Variants in CPNE4 observed in about 807,000 individuals in gnomAD.
CPNE4 encodes the protein copine 4.
Under a neutral mutation model 67.9 loss-of-function variants are expected in CPNE4, and 25 were observed. The ratio of observed to expected loss-of-function variants is 0.37; its 90% CI spans 0.27 to 0.51. The LOEUF is 0.51. Among genes scored for constraint, CPNE4 ranks in the 20% least tolerant of loss-of-function variants. The pLI, the probability that CPNE4 is intolerant of heterozygous loss-of-function variation, is 0.93. For synonymous variants in CPNE4, 242 were observed against 244.9 expected, an observed-to-expected ratio of 0.99 and a Z score of 0.11; for missense variants, 464 against 690.8, an observed-to-expected ratio of 0.67 and a Z score of 3.68.
intron 1 of CPNE4, among the ~76,000 whole-genome samples, chr3:132,007,640 T>C (rs1361461593): frequency 6.6e-6 from 1 of 152,078 alleles, no homozygotes; most frequent in Non-Finnish European, 1.5e-5. Flanking sequence ...TTTTTTTCAT[T>C]CAACAGTTCA....
At chr3:131,709,270 C>T (rs76452296) in intron 3 of CPNE4, among the ~76,000 whole-genome samples, 19 of 151,910 alleles carry the variant, frequency 1.3e-4, no homozygotes, top group Non-Finnish European at 1.6e-4. Context: ...AATGGAGGGA[C>T]GGAAAATTCT....
intron 2 of CPNE4, among the ~76,000 whole-genome samples, chr3:131,742,844 C>T (rs1015294838): frequency 6.6e-6 from 1 of 152,002 alleles, no homozygotes; most frequent in African/African-American, 2.4e-5. Flanking sequence ...CCCACCAAAA[C>T]CTATGGGAAT....
intron 1 of CPNE4, among the ~76,000 whole-genome samples, chr3:131,987,676 G>A (rs1383147948): frequency 6.6e-6 from 1 of 151,986 alleles, no homozygotes; most frequent in African/African-American, 2.4e-5. Flanking sequence ...TAAATACCAG[G>A]CACCATGCCC....
chr3:131,570,137 T>C (rs1265073348), intron 10 of CPNE4, among the ~76,000 whole-genome samples: 1 of 151,696 alleles, frequency 6.6e-6, no homozygotes, highest in Non-Finnish European at 1.5e-5. Flanking sequence ...ATAATAAATA[T>C]CATAGTATTT....
intron 3 of CPNE4, among the ~76,000 whole-genome samples, chr3:131,701,456 C>A (rs2081299298): frequency 6.6e-6 from 1 of 152,218 alleles, no homozygotes; most frequent in African/African-American, 2.4e-5. Context: ...TGGGATATCA[C>A]TTCTGAGAAT....
intron 7 of CPNE4, among the ~76,000 whole-genome samples, chr3:131,591,182 G>A (rs1186404773): frequency 5.3e-5 from 8 of 152,186 alleles, no homozygotes; most frequent in Non-Finnish European, 1.0e-4. Flanking sequence ...AGGAAGAAGA[G>A]TGGTTTCTGG....
In CPNE4 at chr3:131,765,488, G is replaced by A. The variant is rs180891709; in HGVS notation, c.181-41863C>T. Reference sequence around the variant, plus strand: ...GCTGTTACATCATAAATTCTTCCCAGTCCCAACCAGTTCTCTGTCTTGTAA... The same window carrying A: ...GCTGTTACATCATAAATTCTTCCCAATCCCAACCAGTTCTCTGTCTTGTAA... On this transcript the variant is annotated intron_variant, in intron 2 of 15. Coordinates refer to ENST00000429747, the MANE Select transcript of CPNE4 (RefSeq NM_130808.3). Among the ~76,000 whole-genome samples, 121 of 152,114 alleles carry A rather than the reference G, an allele frequency of 8.0e-4. 5 individuals carry two copies. The South Asian group carries it at 0.018, about 23-fold the overall frequency.
In CPNE4 at chr3:131,535,315, G is replaced by C; in HGVS notation, c.1554C>G (p.Ala518=). 6.2e-7 allele frequency: 1 copy of C among 1,613,226 alleles called. No individual in the cohort carries two copies. Among genetic ancestry groups the C allele is most frequent in the Non-Finnish European group, 8.5e-7 (1 of 1,179,818 alleles). Reference sequence around the variant, plus strand: ...CTTCAGCCAGCACGCTCTTTGCCAGGGCAGCTGGAGATGCCTGCAGGGAAG... The same window carrying C: ...CTTCAGCCAGCACGCTCTTTGCCAGCGCAGCTGGAGATGCCTGCAGGGAAG... ...FRNFKHASPA[A]LAKSVLAEVP... Residue 518 remains alanine (A), a synonymous_variant, in exon 16 of 16, where the codon GCC becomes GCG. Coordinates refer to ENST00000429747, the MANE Select transcript of CPNE4 (RefSeq NM_130808.3).
At chr3:132,002,573 T>G (rs1268124526) in intron 1 of CPNE4, among the ~76,000 whole-genome samples, 1 of 152,162 alleles carries the variant, frequency 6.6e-6, no homozygotes, top group East Asian at 1.9e-4. Flanking sequence ...CATTGACACT[T>G]GTCCTCAGGA....
At chr3:131,825,738 A>C (rs1036223325) in intron 2 of CPNE4, among the ~76,000 whole-genome samples, 8 of 152,172 alleles carry the variant, frequency 5.3e-5, no homozygotes, top group Admixed American at 1.3e-4. Flanking sequence ...AGGAGACAAG[A>C]TCAGGTATTC....
rs757749494 is a variant in CPNE4, at chr3:131,696,590, A to C, written c.459T>G (p.Asn153Lys). 1 of 1,614,056 alleles carries C rather than the reference A, an allele frequency of 6.2e-7. No homozygotes were observed. Among genetic ancestry groups the C allele is most frequent in the Non-Finnish European group, 8.5e-7 (1 of 1,179,938 alleles). ...ITVIAEELSG[N>K]DDYVELAFNA... ...TGAATGCAAGCTCAACATAGTCGTC[A>C]TTGCCAGATAATTCTTCAGCAATCA... Residue 153 changes from asparagine (N) to lysine (K), a missense_variant, in exon 5 of 16, where the codon AAT (asparagine) becomes AAG (lysine). Asn to Lys is a moderately conservative substitution (Grantham distance 94). Coordinates refer to ENST00000429747, the MANE Select transcript of CPNE4 (RefSeq NM_130808.3).
chr3:131,656,434 T>C (rs538371360), intron 7 of CPNE4, among the ~76,000 whole-genome samples: 3 of 152,160 alleles, frequency 2.0e-5, no homozygotes, highest in African/African-American at 7.2e-5. Flanking sequence ...AAGAGGGGTA[T>C]TTTTCTAGGG....
chr3:132,036,984 G>A (rs2074350694), upstream of CPNE4, among the ~76,000 whole-genome samples: 1 of 152,186 alleles, frequency 6.6e-6, no homozygotes, highest in African/African-American at 2.4e-5. Context: ...AATCCAGGGT[G>A]TGGGCGGTTG....
chr3:132,002,759 A>C (rs1446249424), intron 1 of CPNE4, among the ~76,000 whole-genome samples: 1 of 152,142 alleles, frequency 6.6e-6, no homozygotes, highest in Non-Finnish European at 1.5e-5. Context: ...AGTTATTTAC[A>C]TATCAAAGTG....
intron 2 of CPNE4, among the ~76,000 whole-genome samples, chr3:131,901,690 A>C (rs1169578199): frequency 6.6e-6 from 1 of 152,006 alleles, no homozygotes; most frequent in African/African-American, 2.4e-5. Flanking sequence ...TGCCTAGAAG[A>C]GTCCTCCGAC....
rs765129150 is a variant in CPNE4 at position 131,535,327 on chromosome 3, T to G, written c.1542A>C (p.Ala514=). Residue 514 remains alanine (A), a splice_region_variant and synonymous_variant, in exon 16 of 16, where the codon GCA becomes GCC. Coordinates refer to ENST00000429747, the MANE Select transcript of CPNE4 (RefSeq NM_130808.3). The part of the protein sequence containing the change: ...QFVPFRNFKH[A]SPAALAKSVL... ...CGCTCTTTGCCAGGGCAGCTGGAGA[T>G]GCCTGCAGGGAAGAAGAAATCATCA... The G allele has an allele frequency of 9.9e-6, 16 of 1,612,736 alleles. No individual in the cohort carries two copies. The highest frequency in any genetic ancestry group is 1.3e-5 in the Non-Finnish European group (15 of 1,179,632).
At chr3:131,579,592 T>C (rs1447567747) in intron 9 of CPNE4, among the ~76,000 whole-genome samples, 1 of 152,206 alleles carries the variant, frequency 6.6e-6, no homozygotes, top group Non-Finnish European at 1.5e-5. Context: ...AGAACATTCA[T>C]GAGTCATGGG....
intron 7 of CPNE4, among the ~76,000 whole-genome samples, chr3:131,669,323 A>G: frequency 6.6e-6 from 1 of 152,248 alleles, no homozygotes; most frequent in East Asian, 1.9e-4. Flanking sequence ...GTTCTAAGCT[A>G]CTAAATTTTG....
intron 7 of CPNE4, among the ~76,000 whole-genome samples, chr3:131,619,739 T>C (rs1237375501): frequency 6.6e-6 from 1 of 152,042 alleles, no homozygotes; most frequent in East Asian, 1.9e-4. Context: ...TCCAAAGCCC[T>C]TGCCAAGACT....
Sources: gnomAD v4.1 joint callset for allele counts (sites outside exome capture counted in the v4.1 genomes callset) on GRCh38, gnomAD v4.1.1 for gene constraint, MANE v1.5 for transcripts, NCBI Gene and HGNC (gene_info 2026-07-23, HGNC 2026-07-21) for gene names.